Variants in OPHN1 observed in about 807,000 individuals in gnomAD.
OPHN1 encodes oligophrenin-1.
In OPHN1, 11 loss-of-function variants were observed where a neutral mutation model predicts 60.7. That is an observed-to-expected ratio of 0.18 (90% CI 0.11 to 0.30). OPHN1 has a LOEUF of 0.30. OPHN1 is among the 10% of genes least tolerant of loss of function. The pLI, the probability that OPHN1 is intolerant of heterozygous loss-of-function variation, is 1.00. For missense variants in OPHN1, 449 were observed against 611.0 expected (o/e 0.73, Z 2.80); for synonymous variants, 226 against 222.6 (o/e 1.02, Z -0.14).
rs183630260 is a variant in OPHN1, at chrX:68,078,714, G to A, written c.1687-5415C>T. Among the ~76,000 whole-genome samples, 4 of 110,947 alleles carry A rather than the reference G, an allele frequency of 3.6e-5. No individual in the cohort carries two copies. The East Asian group carries it at 1.1e-3, about 32-fold the overall frequency. On this transcript the variant is annotated intron_variant, in intron 19 of 24. Transcript: ENST00000355520. ...GAAGTAAACTTCTTCAGCTGGGCGC[G>A]GTGGCTCATGTCTGTAATCTCAGCA...
chrX:68,051,512 C>T (rs1260759548), intron 23 of OPHN1, among the ~76,000 whole-genome samples: 3 of 111,597 alleles, frequency 2.7e-5, no homozygotes, highest in Non-Finnish European at 5.6e-5. Flanking sequence ...ACTTTTTTCT[C>T]CATGTTTCCA....
chrX:68,304,442 T>C (rs2078135803), intron 2 of OPHN1, among the ~76,000 whole-genome samples: 1 of 111,353 alleles, frequency 9.0e-6, no homozygotes, highest in African/African-American at 3.3e-5. Flanking sequence ...TATTTATTAT[T>C]TGCGTATCTT....
chrX:68,193,074 G>A (rs1336758796), intron 14 of OPHN1, 81 bp from the exon 15 acceptor site: 2 of 730,298 alleles, frequency 2.7e-6, no homozygotes, highest in Non-Finnish European at 4.4e-6. Context: ...GGTCAATTCA[G>A]ATAGGAAGGG....
chrX:68,344,554 C>T (rs1044374954), intron 2 of OPHN1, among the ~76,000 whole-genome samples: 1 of 109,161 alleles, frequency 9.2e-6, no homozygotes, highest in African/African-American at 3.3e-5. Flanking sequence ...AGAGGTTGTA[C>T]CGAGCCGAGA....
intron 23 of OPHN1, among the ~76,000 whole-genome samples, chrX:68,050,698 T>TA (rs1445250590): frequency 8.9e-6 from 1 of 112,300 alleles, no homozygotes; most frequent in Non-Finnish European, 1.9e-5. Context: ...CCAACTCATA[T>TA]ATCACCTCCT....
In OPHN1 at chrX:68,133,497, A is replaced by G. The variant is rs532407315; in HGVS notation, c.1277-14165T>C. 44 of 485,069 alleles carry G rather than the reference A, an allele frequency of 9.1e-5. No individual in the cohort carries two copies. In the South Asian group the frequency reaches 1.0e-3, roughly 11 times the overall value. The allele number at this position is 485,069 out of a possible 1,213,427, so 40.0% of individuals were successfully genotyped here. ...TAACCTCAAGAGATGCCTGCTGTACACTTTTTGCAACTGGTTTGACAACAC... is the reference window on the plus strand; with the variant it reads ...TAACCTCAAGAGATGCCTGCTGTACGCTTTTTGCAACTGGTTTGACAACAC... On this transcript the variant is annotated intron_variant, in intron 15 of 24. Coordinates refer to ENST00000355520, the MANE Select transcript of OPHN1 (RefSeq NM_002547.3).
At chrX:68,230,776 AG>A (rs2077724523) in intron 6 of OPHN1, among the ~76,000 whole-genome samples, 1 of 29,131 alleles carries the variant, frequency 3.4e-5, no homozygotes, top group Middle Eastern at 0.059. Context: ...GGGTGGGGGG[AG>A]GGGGGTGGGA....
chrX:68,261,598 G>C (rs904791139), intron 5 of OPHN1, among the ~76,000 whole-genome samples: 2 of 111,265 alleles, frequency 1.8e-5, no homozygotes, highest in Non-Finnish European at 3.8e-5. Context: ...GCATGTGTTG[G>C]GAATTTTGAG....
intron 6 of OPHN1, among the ~76,000 whole-genome samples, chrX:68,214,739 G>A (rs1207621621): frequency 1.8e-5 from 2 of 112,268 alleles, no homozygotes; most frequent in African/African-American, 6.5e-5. Context: ...GCTCACACCT[G>A]TAATCCCAGC....
chrX:68,351,833 A>AT (rs1295655243), intron 2 of OPHN1, among the ~76,000 whole-genome samples: 4 of 98,586 alleles, frequency 4.1e-5, no homozygotes, highest in Non-Finnish European at 6.1e-5. Flanking sequence ...AGTAGCTGGG[A>AT]TTACAGGTGC....
intron 13 of OPHN1, 78 bp from the exon 14 acceptor site, chrX:68,194,030 G>A: frequency 1.2e-6 from 1 of 847,020 alleles, no homozygotes; most frequent in Non-Finnish European, 1.8e-6. Flanking sequence ...CCATGCAAAG[G>A]GACTGCATTG....
Position 68,277,909 on chromosome X carries a change from G to A in OPHN1, c.313-3100C>T, listed in dbSNP as rs898748835. Among the ~76,000 whole-genome samples, 63 of 112,513 alleles carry A rather than the reference G, an allele frequency of 5.6e-4. 1 individual carries two copies. The highest frequency in any genetic ancestry group is 2.0e-3 in the African/African-American group (63 of 31,039). ...ACTACTTTCTAAAGCACTGTATGGAGCTGGGCCCTTGCATATTCAGGAACC... is the reference window on the plus strand; with the variant it reads ...ACTACTTTCTAAAGCACTGTATGGAACTGGGCCCTTGCATATTCAGGAACC... On this transcript the variant is annotated intron_variant, in intron 4 of 24. Coordinates refer to ENST00000355520, the MANE Select transcript of OPHN1 (RefSeq NM_002547.3).
intron 6 of OPHN1, among the ~76,000 whole-genome samples, chrX:68,225,362 T>C (rs756594821): frequency 1.2e-3 from 130 of 111,716 alleles, no homozygotes; most frequent in African/African-American, 4.1e-3. Context: ...CTCACAGCTT[T>C]CAAGAGAGTA....
At chrX:68,376,352 C>T (rs1379657519) in intron 2 of OPHN1, among the ~76,000 whole-genome samples, 1 of 111,445 alleles carries the variant, frequency 9.0e-6, no homozygotes, top group Non-Finnish European at 1.9e-5. Context: ...TAAAGTTTGC[C>T]TGGAAAATAT....
At chrX:68,102,421 G>A (rs772873383) in intron 18 of OPHN1, among the ~76,000 whole-genome samples, 11 of 111,634 alleles carry the variant, frequency 9.9e-5, no homozygotes, top group South Asian at 3.8e-4. Context: ...AGGAGAAAGC[G>A]GGAAAGATAC....
At chrX:68,319,442 GA>G (rs35414479) in intron 2 of OPHN1, among the ~76,000 whole-genome samples, 81 of 106,824 alleles carry the variant, frequency 7.6e-4, no homozygotes, top group East Asian at 5.3e-3. Flanking sequence ...ACCTATAAAA[GA>G]AAAAAAAAAT....
At chrX:68,379,122 G>C (rs1192105497) in intron 2 of OPHN1, among the ~76,000 whole-genome samples, 1 of 110,979 alleles carries the variant, frequency 9.0e-6, no homozygotes, top group Non-Finnish European at 1.9e-5. Context: ...GCAGTGGTTT[G>C]TAGTTCTCCT....
chrX:68,387,252 TG>T (rs1217468925), intron 2 of OPHN1, among the ~76,000 whole-genome samples: 1 of 106,171 alleles, frequency 9.4e-6, no homozygotes, highest in Non-Finnish European at 1.9e-5. Flanking sequence ...CTCCCCTCCA[TG>T]GGCAAGTCGT....
intron 3 of OPHN1, among the ~76,000 whole-genome samples, chrX:68,293,734 C>T (rs900552451): frequency 9.0e-6 from 1 of 111,432 alleles, no homozygotes; most frequent in Non-Finnish European, 1.9e-5. Flanking sequence ...AAGATCCTCA[C>T]CAAATAATTC....
Sources: allele counts gnomAD v4.1 joint callset (sites outside exome capture counted in the v4.1 genomes callset), GRCh38; gene constraint gnomAD v4.1.1; transcripts MANE v1.5; gene names NCBI Gene and HGNC (gene_info 2026-07-23, HGNC 2026-07-21).